PTPRT: variants seen among roughly 807,000 people sequenced by gnomAD.
The protein encoded by PTPRT is receptor-type tyrosine-protein phosphatase T.
PTPRT carries 56 observed loss-of-function variants against 176.8 expected under a neutral mutation model. The ratio of observed to expected loss-of-function variants is 0.32; its 90% CI spans 0.26 to 0.40. The LOEUF (loss-of-function observed/expected upper bound fraction) is 0.40, where lower values mean the gene tolerates loss of function less well. PTPRT is among the 10% of genes least tolerant of loss of function. PTPRT has a pLI of 1.00. For synonymous variants in PTPRT, 783 were observed against 739.0 expected (o/e 1.06, Z -0.96); for missense variants, 1,540 against 1,908.2 (o/e 0.81, Z 3.60).
chr20:42,129,546 T>C (rs1457302100), intron 18 of PTPRT, among the ~76,000 whole-genome samples: 1 of 152,208 alleles, frequency 6.6e-6, no homozygotes, highest in East Asian at 1.9e-4. Flanking sequence ...GTTAATTAAG[T>C]GAGCTCTGAC....
At chr20:42,731,822 C>T (rs1286863239) in intron 6 of PTPRT, among the ~76,000 whole-genome samples, 1 of 152,208 alleles carries the variant, frequency 6.6e-6, no homozygotes, top group East Asian at 1.9e-4. Flanking sequence ...TTTCAACATG[C>T]CACACTCATT....
chr20:43,040,386 G>A (rs1235255216), intron 1 of PTPRT, among the ~76,000 whole-genome samples: 1 of 152,164 alleles, frequency 6.6e-6, no homozygotes, highest in African/African-American at 2.4e-5. Flanking sequence ...CAATATGGTT[G>A]CCAACAGAGC....
chr20:42,154,211 G>A (rs1247179676), intron 17 of PTPRT, among the ~76,000 whole-genome samples: 1 of 152,140 alleles, frequency 6.6e-6, no homozygotes, highest in Non-Finnish European at 1.5e-5. Flanking sequence ...AACCTTTCTG[G>A]GGTTGCCTGT....
chr20:42,526,359 T>C (rs1165946235), intron 7 of PTPRT, among the ~76,000 whole-genome samples: 2 of 152,198 alleles, frequency 1.3e-5, no homozygotes, highest in African/African-American at 4.8e-5. Flanking sequence ...CTTTTCCTCA[T>C]TGTTGTTCAT....
At chr20:42,356,902 C>G (rs2058366291) in intron 9 of PTPRT, among the ~76,000 whole-genome samples, 1 of 152,172 alleles carries the variant, frequency 6.6e-6, no homozygotes, top group South Asian at 2.1e-4. Flanking sequence ...CTTGCACCAG[C>G]TCTTCTGTCA....
rs551225285 is a variant in PTPRT, at chr20:42,474,189, C to T, written c.1154-1627G>A. ...CTTGAATGCCTTGTGAGTGGCAGTG[C>T]TGGGAGCACCCTTATGCAAAATGAT... is the stretch of plus-strand genomic sequence containing the variant. On this transcript the variant is annotated intron_variant, in intron 7 of 30. Transcript: ENST00000373187. Among the ~76,000 whole-genome samples, 3 of 152,254 alleles carry T rather than the reference C, an allele frequency of 2.0e-5. No homozygotes were observed. In the East Asian group the frequency reaches 5.8e-4, roughly 29 times the overall value.
intron 6 of PTPRT, among the ~76,000 whole-genome samples, chr20:42,738,721 GC>G (rs2076570021): frequency 6.6e-6 from 1 of 152,134 alleles, no homozygotes; most frequent in African/African-American, 2.4e-5. Context: ...CTAATAGGGG[GC>G]ATTTGGAGAC....
At chr20:42,067,421 C>A in the PTPRT span, among the ~76,000 whole-genome samples, 1 of 152,036 alleles carries the variant, frequency 6.6e-6, no homozygotes, top group Non-Finnish European at 1.5e-5. Flanking sequence ...ATAGGCTGGG[C>A]GTAAGCATTG....
At chr20:42,778,520 G>A (rs1480809841) in intron 4 of PTPRT, among the ~76,000 whole-genome samples, 2 of 152,180 alleles carry the variant, frequency 1.3e-5, no homozygotes, top group Non-Finnish European at 2.9e-5. Context: ...ATGTGGCAGA[G>A]GCAAGCACGC....
chr20:42,315,667 T>C, intron 12 of PTPRT, 56 bp downstream of exon 12: 1 of 1,570,350 alleles, frequency 6.4e-7, no homozygotes, highest in Non-Finnish European at 8.7e-7. Flanking sequence ...ACTTATCATT[T>C]GAGAATGAAA....
chr20:42,184,614 T>TCTTCTTCTTCTCCTC (rs1990692690), intron 16 of PTPRT, among the ~76,000 whole-genome samples: 14 of 142,566 alleles, frequency 9.8e-5, no homozygotes, highest in African/African-American at 3.6e-4. Flanking sequence ...TTCTTCTTCT[T>TCTTCTTCTTCTCCTC]CTCCTCCTTC....
intron 1 of PTPRT, among the ~76,000 whole-genome samples, chr20:43,181,125 C>A (rs368276281): frequency 6.6e-6 from 1 of 152,244 alleles, no homozygotes; most frequent in East Asian, 1.9e-4. Flanking sequence ...TCATGAGAGA[C>A]GGAGGTCCTC....
chr20:42,839,364 A>G (rs1001279062), intron 2 of PTPRT, among the ~76,000 whole-genome samples: 16 of 151,968 alleles, frequency 1.1e-4, no homozygotes, highest in African/African-American at 3.9e-4. Flanking sequence ...GCAAATTGGA[A>G]AAAAAGAAAA....
At chr20:42,508,904 T>A (rs1222296170) in intron 7 of PTPRT, among the ~76,000 whole-genome samples, 1 of 144,532 alleles carries the variant, frequency 6.9e-6, no homozygotes, top group East Asian at 2.0e-4. Flanking sequence ...TAAATATAAA[T>A]AATATAATTT....
At chr20:42,694,040 C>CTTTTTTTTTTTTTT (rs56156122) in intron 6 of PTPRT, among the ~76,000 whole-genome samples, 1 of 138,440 alleles carries the variant, frequency 7.2e-6, no homozygotes. Flanking sequence ...ATTTTATTTT[C>CTTTTTTTTTTTTTT]TTTTTTTTTT....
At position 43,064,252 on chromosome 20, in the gene PTPRT, C is replaced by T. The variant is rs1042851001; in HGVS notation, c.88+125394G>A. 2.6e-5 allele frequency among the ~76,000 whole-genome samples: 4 copies of T among 152,132 alleles called. No individual in the cohort carries two copies. The East Asian group carries it at 7.7e-4, about 29-fold the overall frequency. On this transcript the variant is annotated intron_variant, in intron 1 of 30. Transcript: ENST00000373187. ...GAAAACCTCCTACCCCATCCTCCACCCTCTAGTTTCCCATCACCAGTTGAA... is the reference window on the plus strand; with the variant it reads ...GAAAACCTCCTACCCCATCCTCCACTCTCTAGTTTCCCATCACCAGTTGAA...
At chr20:43,039,483 A>G (rs1986519069) in intron 1 of PTPRT, among the ~76,000 whole-genome samples, 1 of 152,008 alleles carries the variant, frequency 6.6e-6, no homozygotes, top group African/African-American at 2.4e-5. Context: ...AAAACCATAA[A>G]AGCACCAGAA....
intron 7 of PTPRT, among the ~76,000 whole-genome samples, chr20:42,579,592 A>G (rs914909685): frequency 2.6e-5 from 4 of 152,140 alleles, no homozygotes; most frequent in African/African-American, 9.7e-5. Flanking sequence ...CTTTTTAATG[A>G]TGGCCATTCT....
chr20:42,742,316 A>G (rs971549022), intron 6 of PTPRT, among the ~76,000 whole-genome samples: 1 of 152,238 alleles, frequency 6.6e-6, no homozygotes, highest in African/African-American at 2.4e-5. Flanking sequence ...CAAGGCGAGA[A>G]GGGCCACGGT....
Sources: gnomAD v4.1 joint callset for allele counts (sites outside exome capture counted in the v4.1 genomes callset) on GRCh38, gnomAD v4.1.1 for gene constraint, MANE v1.5 for transcripts, NCBI Gene and HGNC (gene_info 2026-07-23, HGNC 2026-07-21) for gene names.